The following RBFOX1 variants were observed in gnomAD, a reference collection of about 807,000 sequenced individuals.
The protein encoded by RBFOX1 is RNA binding fox-1 homolog 1.
RBFOX1 carries 8 observed loss-of-function variants against 57.7 expected under a neutral mutation model. The observed-to-expected ratio is 0.14, with a 90% confidence interval of 0.08 to 0.25. The LOEUF is 0.25. Among genes scored for constraint, RBFOX1 ranks in the 10% least tolerant of loss-of-function variants. RBFOX1 has a pLI of 1.00. For synonymous variants in RBFOX1, 326 were observed against 222.4 expected (o/e 1.47, Z -4.15); for missense variants, 611 against 548.5 (o/e 1.11, Z -1.14).
At chr16:6,521,385 C>G (rs1471581893) in intron 2 of RBFOX1, among the ~76,000 whole-genome samples, 1 of 151,212 alleles carries the variant, frequency 6.6e-6, no homozygotes, top group African/African-American at 2.4e-5. Context: ...TAAACCTTTC[C>G]TTCCCTCTCT....
chr16:6,743,020 C>G (rs545733152), intron 3 of RBFOX1, among the ~76,000 whole-genome samples: 3 of 152,080 alleles, frequency 2.0e-5, no homozygotes, highest in Non-Finnish European at 4.4e-5. Context: ...TAAGATGTAA[C>G]AAATGGGTTA....
chr16:6,146,166 A>C (rs894616343), intron 1 of RBFOX1, among the ~76,000 whole-genome samples: 2 of 152,146 alleles, frequency 1.3e-5, no homozygotes, highest in African/African-American at 4.8e-5. Flanking sequence ...TTGAATTCCC[A>C]TGGGTCTGGT....
chr16:6,137,247 C>G (rs1597668230), intron 1 of RBFOX1, among the ~76,000 whole-genome samples: 1 of 152,330 alleles, frequency 6.6e-6, no homozygotes, highest in Non-Finnish European at 1.5e-5. Flanking sequence ...TGAATTCCTA[C>G]TATGTGCCAG....
intron 5 of RBFOX1, among the ~76,000 whole-genome samples, chr16:7,545,227 C>T (rs542210915): frequency 4.6e-5 from 7 of 152,276 alleles, no homozygotes; most frequent in African/African-American, 1.7e-4. Context: ...TGGAGATTGA[C>T]AGGCAAGAGC....
chr16:5,267,586 C>G (rs553437638), intron 1 of RBFOX1, among the ~76,000 whole-genome samples: 2 of 152,248 alleles, frequency 1.3e-5, no homozygotes, highest in Admixed American at 1.3e-4. Context: ...GTGTGAGCCA[C>G]TGTGCCTGGG....
At chr16:5,627,416 G>GGGGT (rs762158857) in intron 3 of RBFOX1, among the ~76,000 whole-genome samples, 5 of 151,982 alleles carry the variant, frequency 3.3e-5, no homozygotes, top group African/African-American at 4.8e-5. Context: ...TAGTGATCTT[G>GGGGT]GGGTGTGTGT....
chr16:6,663,810 G>A (rs957049994), intron 3 of RBFOX1, among the ~76,000 whole-genome samples: 1 of 152,224 alleles, frequency 6.6e-6, no homozygotes, highest in Non-Finnish European at 1.5e-5. Context: ...AAGGGAGATG[G>A]GGTGGAGAGC....
At chr16:5,296,055 C>CAT (rs2063659475) in intron 1 of RBFOX1, among the ~76,000 whole-genome samples, 2 of 128,324 alleles carry the variant, frequency 1.6e-5, no homozygotes, top group South Asian at 6.6e-4. Flanking sequence ...CTGTGAAAGG[C>CAT]ATCTCCCTCC....
Position 6,825,168 on chromosome 16 carries a change from G to A in RBFOX1, c.-16+170518G>A, listed in dbSNP as rs116889204. On this transcript the variant is annotated intron_variant, in intron 3 of 15. Coordinates refer to ENST00000550418, the MANE Select transcript of RBFOX1 (RefSeq NM_018723.4). ...TCACTCAGCACCCTTGGCGTTGCTG[G>A]TCAGATGATCCTTTCTTGTGGGGGG... Among the ~76,000 whole-genome samples the A allele has an allele frequency of 8.5e-3, 1,277 of 150,404 alleles. 8 individuals are homozygous for A. The highest frequency in any genetic ancestry group is 0.013 in the Non-Finnish European group (867 of 67,628).
At chr16:6,752,772 C>A (rs781638602) in intron 3 of RBFOX1, among the ~76,000 whole-genome samples, 1 of 151,856 alleles carries the variant, frequency 6.6e-6, no homozygotes. Flanking sequence ...TCACTTCCAT[C>A]CTTTCCTGCT....
At chr16:6,819,967 G>T (rs181286127) in intron 3 of RBFOX1, among the ~76,000 whole-genome samples, 3 of 152,048 alleles carry the variant, frequency 2.0e-5, no homozygotes, top group African/African-American at 7.2e-5. Context: ...TCATCCTCTG[G>T]CTGTGTCCCC....
chr16:5,439,887 G>A (rs1343566376), intron 1 of RBFOX1, among the ~76,000 whole-genome samples: 1 of 152,210 alleles, frequency 6.6e-6, no homozygotes, highest in Non-Finnish European at 1.5e-5. Context: ...TTAAAATTGA[G>A]TGGTTTAGAA....
chr16:5,714,358 A>T (rs1360861472), intron 3 of RBFOX1, among the ~76,000 whole-genome samples: 1 of 152,208 alleles, frequency 6.6e-6, no homozygotes, highest in Admixed American at 6.5e-5. Context: ...TGCTCCCATC[A>T]TGATGAGAAG....
chr16:6,419,506 C>G (rs1387414011), intron 2 of RBFOX1, among the ~76,000 whole-genome samples: 1 of 152,168 alleles, frequency 6.6e-6, no homozygotes, highest in Non-Finnish European at 1.5e-5. Flanking sequence ...AAAGTTAATT[C>G]AAGTACATTT....
At chr16:7,265,030 G>A (rs1401065897) in intron 4 of RBFOX1, among the ~76,000 whole-genome samples, 1 of 152,202 alleles carries the variant, frequency 6.6e-6, no homozygotes, top group Non-Finnish European at 1.5e-5. Context: ...CTTCAAAGCA[G>A]GCCAGTCCCA....
At chr16:7,230,036 GGGAGAGAGAGGAAGGAAA>G (rs200273045) in intron 4 of RBFOX1, among the ~76,000 whole-genome samples, 20,943 of 102,956 alleles carry the variant, frequency 0.2, 4,099 homozygotes, top group East Asian at 0.63. Flanking sequence ...AAGGAAGGAA[GGGAGAGAGAGGAAGGAAA>G]GGAGAGAGAG....
In RBFOX1 at chr16:6,574,424, A is replaced by ATTT. The variant is rs34505014; in HGVS notation, c.-63-80159_-63-80157dup. On this transcript the variant is annotated intron_variant, in intron 2 of 15. Transcript: ENST00000550418. The stretch of plus-strand genomic sequence containing the variant: ...GCAAGGGTTTCTGTCCGTATCTTCT[A>ATTT]TTTTTTTTTTTTTTTTTTTTTTGAG... Among the ~76,000 whole-genome samples, 502 of 89,836 alleles carry ATTT rather than the reference A, an allele frequency of 5.6e-3. 13 individuals carry two copies. Among genetic ancestry groups the ATTT allele is most frequent in the East Asian group, 0.015 (41 of 2,740 alleles). 58.9% of individuals were successfully genotyped at this position (89,836 alleles called of 152,430 possible). A position where few individuals can be genotyped will look rare whatever the true frequency, so the allele number is the denominator to read the frequency against.
At chr16:7,371,054 C>T (rs1210311789) in intron 4 of RBFOX1, among the ~76,000 whole-genome samples, 4 of 152,138 alleles carry the variant, frequency 2.6e-5, no homozygotes, top group Non-Finnish European at 4.4e-5. Flanking sequence ...ATTTTGTTCT[C>T]CTCTCCTCTA....
At chr16:6,662,420 C>G (rs546985718) in intron 3 of RBFOX1, among the ~76,000 whole-genome samples, 1 of 151,292 alleles carries the variant, frequency 6.6e-6, no homozygotes, top group African/African-American at 2.5e-5. Context: ...TCAGTTTTAT[C>G]TCAATACAGT....
Sources: gnomAD v4.1 joint callset for allele counts (sites outside exome capture counted in the v4.1 genomes callset) on GRCh38, gnomAD v4.1.1 for gene constraint, MANE v1.5 for transcripts, NCBI Gene and HGNC (gene_info 2026-07-23, HGNC 2026-07-21) for gene names.